Variants in TUT7 observed in about 807,000 individuals in gnomAD.
The protein encoded by TUT7 is terminal uridylyltransferase 7.
TUT7 carries 33 observed loss-of-function variants against 165.9 expected under a neutral mutation model. The ratio of observed to expected loss-of-function variants is 0.20; its 90% confidence interval spans 0.15 to 0.27. TUT7 has a LOEUF of 0.27. Ranked by LOEUF, TUT7 falls within the 10% of genes least tolerant of loss-of-function variation. The pLI is 1.00. For synonymous variants in TUT7, 552 were observed against 608.1 expected, an observed-to-expected ratio of 0.91 and a Z score of 1.36; for missense variants, 1,338 against 1,762.3, an observed-to-expected ratio of 0.76 and a Z score of 4.31.
At chr9:86,305,345 C>T in intron 22 of TUT7, 106 bp from the exon 23 acceptor site, 1 of 746,622 alleles carries the variant, frequency 1.3e-6, no homozygotes, top group Non-Finnish European at 2.1e-6. Flanking sequence ...ATCTACTTTG[C>T]TTATCATTAA....
chr9:86,310,087 G>C (rs1041659732), intron 18 of TUT7, 70 bp from the exon 19 acceptor site: 2 of 1,309,374 alleles, frequency 1.5e-6, no homozygotes, highest in Non-Finnish European at 2.1e-6. Context: ...TTTTTTGGTT[G>C]TTGTTTTAAA....
intron 26 of TUT7, among the ~76,000 whole-genome samples, chr9:86,297,123 A>G (rs1007060028): frequency 1.3e-5 from 2 of 152,210 alleles, no homozygotes; most frequent in African/African-American, 4.8e-5. Flanking sequence ...ATCGTAACTT[A>G]CTGTCAATGC....
chr9:86,334,900 T>C (rs1355307783), intron 10 of TUT7, among the ~76,000 whole-genome samples: 1 of 152,154 alleles, frequency 6.6e-6, no homozygotes, highest in African/African-American at 2.4e-5. Context: ...AACAGGAGAC[T>C]CACTCTGTGT....
At chr9:86,292,607 T>TA (rs756543899) in intron 26 of TUT7, among the ~76,000 whole-genome samples, 4,311 of 129,798 alleles carry the variant, frequency 0.033, 74 homozygotes, top group Admixed American at 0.041. Flanking sequence ...GGTCTTTTAT[T>TA]AAAAAAAAAA....
rs144734721 is a variant in TUT7 at position 86,351,455 on chromosome 9, A to G, written c.520+1225T>C. 7.9e-3 allele frequency among the ~76,000 whole-genome samples: 1,205 copies of G among 152,354 alleles called. 20 individuals carry two copies. Among genetic ancestry groups the G allele is most frequent in the African/African-American group, 0.028 (1,161 of 41,586 alleles). ...CGTCTCAAAAAATAAAATAAAATAT[A>G]AATAAACAGATCTGACAACTAGAAG... On this transcript the variant is annotated intron_variant, in intron 2 of 26. Coordinates refer to ENST00000375963, the MANE Select transcript of TUT7 (RefSeq NM_024617.4).
chr9:86,321,945 A>T (rs1311891619), intron 14 of TUT7, among the ~76,000 whole-genome samples: 1 of 152,022 alleles, frequency 6.6e-6, no homozygotes, highest in Non-Finnish European at 1.5e-5. Flanking sequence ...GCATAGTGGC[A>T]TGCATCTGTG....
At chr9:86,330,447 C>T (rs895050607) in intron 10 of TUT7, among the ~76,000 whole-genome samples, 1 of 152,182 alleles carries the variant, frequency 6.6e-6, no homozygotes, top group Non-Finnish European at 1.5e-5. Context: ...ACAGACTGAA[C>T]TAGTCTTCCA....
intron 14 of TUT7, 82 bp downstream of exon 14, chr9:86,322,243 C>G: frequency 7.5e-7 from 1 of 1,337,406 alleles, no homozygotes; most frequent in Non-Finnish European, 1.0e-6. Flanking sequence ...GTTTAGAGAC[C>G]TAAATAGGAT....
At position 86,323,294 on chromosome 9, in the gene TUT7, C is replaced by T. The variant is rs556349133; in HGVS notation, c.2456G>A (p.Gly819Asp). ...KADLDGESTE[G>D]TEELEDSLNH... ...TAGAGAGTCTTCTAGTTCCTCAGTA[C>T]CTTCTGTACTTTCTCCATCAAGATC... is the stretch of plus-strand genomic sequence containing the variant. The change falls in exon 13 of 27, where the codon GGT becomes GAT. Residue 819 changes from glycine to aspartate, a missense_variant. Physicochemically the swap from Gly to Asp is moderately conservative, Grantham distance 94 (BLOSUM62 -1). Coordinates refer to ENST00000375963, the MANE Select transcript of TUT7 (RefSeq NM_024617.4). The T allele has an allele frequency of 6.2e-7, 1 of 1,614,114 alleles. No individual in the cohort carries two copies. The highest frequency in any genetic ancestry group is 1.3e-5 in the African/African-American group (1 of 75,028).
chr9:86,321,369 A>AT (rs912562645), intron 14 of TUT7, among the ~76,000 whole-genome samples: 6 of 151,104 alleles, frequency 4.0e-5, no homozygotes, highest in Admixed American at 4.0e-4. Context: ...AAAAAAAAAA[A>AT]TTTTTTTTCT....
intron 26 of TUT7, among the ~76,000 whole-genome samples, chr9:86,299,054 G>A (rs956484683): frequency 6.6e-6 from 1 of 152,142 alleles, no homozygotes; most frequent in Non-Finnish European, 1.5e-5. Context: ...GGACAGACAG[G>A]AGTGCTGCAG....
intron 2 of TUT7, among the ~76,000 whole-genome samples, chr9:86,351,954 G>A (rs1328836040): frequency 3.3e-5 from 5 of 151,930 alleles, no homozygotes; most frequent in African/African-American, 9.7e-5. Context: ...TTGCCACATG[G>A]ATAAAATCTA....
intron 16 of TUT7, among the ~76,000 whole-genome samples, chr9:86,318,458 T>C (rs948804294): frequency 9.9e-5 from 15 of 152,184 alleles, no homozygotes; most frequent in African/African-American, 3.6e-4. Context: ...TCCATGATAA[T>C]GTGTACAAAA....
At chr9:86,345,236 G>A in intron 4 of TUT7, 82 bp from the exon 5 acceptor site, 1 of 1,372,996 alleles carries the variant, frequency 7.3e-7, no homozygotes, top group East Asian at 2.4e-5. Flanking sequence ...ACACCCTATA[G>A]AGTTTTCTTT....
intron 26 of TUT7, chr9:86,298,970 C>G (rs1826624122): frequency 4.4e-6 from 1 of 227,064 alleles, no homozygotes; most frequent in African/African-American, 2.3e-5. Context: ...AAAGCAAGAC[C>G]ATGGGCAGGA....
chr9:86,315,452 G>A (rs1013457774), intron 17 of TUT7, among the ~76,000 whole-genome samples: 2 of 152,186 alleles, frequency 1.3e-5, no homozygotes, highest in Non-Finnish European at 2.9e-5. Flanking sequence ...ATGGAATGAT[G>A]AATCAAATAT....
At chr9:86,303,305 A>G in intron 24 of TUT7, 104 bp from the exon 25 acceptor site, 2 of 556,442 alleles carry the variant, frequency 3.6e-6, no homozygotes, top group South Asian at 2.9e-5. Context: ...TGTTGATATA[A>G]CATTACTTTT....
rs2131566211 is a variant in TUT7 at position 86,340,992 on chromosome 9, T to G, written c.1138+10A>C. On this transcript the variant is annotated intron_variant, in intron 7 of 26. Transcript: ENST00000375963. ...CATAAAAATTTTTTAAATGTGGAATTTGGCCTTACCACTGTTCTTTAAACA... is the reference window on the plus strand; with the variant it reads ...CATAAAAATTTTTTAAATGTGGAATGTGGCCTTACCACTGTTCTTTAAACA... The G allele has an allele frequency of 6.2e-7, 1 of 1,607,358 alleles. No homozygotes were observed. The highest frequency in any genetic ancestry group is 8.5e-7 in the Non-Finnish European group (1 of 1,176,344).
At position 86,287,737 on chromosome 9, in the gene TUT7, A is replaced by G. The variant is rs1239414198; in HGVS notation, c.*940T>C. 1 of 151,940 alleles carries G rather than the reference A, an allele frequency of 6.6e-6. No individual in the cohort carries two copies. Among genetic ancestry groups the G allele is most frequent in the South Asian group, 2.1e-4 (1 of 4,830 alleles). 9.4% of individuals were successfully genotyped at this position (151,940 alleles called of 1,614,324 possible). A position where few individuals can be genotyped will look rare whatever the true frequency, so the allele number is the denominator to read the frequency against. On this transcript the variant is annotated 3_prime_UTR_variant, in exon 27 of 27. Coordinates refer to ENST00000375963, the MANE Select transcript of TUT7 (RefSeq NM_024617.4). ...TAGAAAATAATGTAGATAAAATTACAGGTTGAAATTCTGATTTTATTTCAA... is the reference window on the plus strand; with the variant it reads ...TAGAAAATAATGTAGATAAAATTACGGGTTGAAATTCTGATTTTATTTCAA...
Sources: allele counts gnomAD v4.1 joint callset (sites outside exome capture counted in the v4.1 genomes callset), GRCh38; gene constraint gnomAD v4.1.1; transcripts MANE v1.5; gene names NCBI Gene and HGNC (gene_info 2026-07-23, HGNC 2026-07-21).